The following KDM5A variants were observed in gnomAD, a reference collection of about 807,000 sequenced individuals.
KDM5A encodes the protein lysine-specific demethylase 5A.
Under a neutral mutation model 193.5 loss-of-function variants are expected in KDM5A, and 42 were observed. The observed-to-expected ratio is 0.22, with a 90% confidence interval of 0.17 to 0.28. The LOEUF is 0.28. Ranked by LOEUF, KDM5A falls within the 10% of genes least tolerant of loss-of-function variation. KDM5A has a pLI of 1.00. For synonymous variants in KDM5A, 796 were observed against 718.1 expected, an observed-to-expected ratio of 1.11 and a Z score of -1.73; for missense variants, 1,692 against 2,055.1, an observed-to-expected ratio of 0.82 and a Z score of 3.42.
chr12:351,557 T>G (rs1944159573), intron 9 of KDM5A, among the ~76,000 whole-genome samples: 1 of 152,046 alleles, frequency 6.6e-6, no homozygotes, highest in Non-Finnish European at 1.5e-5. Flanking sequence ...GCCTAAGATA[T>G]CCTAGGAAAA....
rs1289776494 is a variant in KDM5A at position 295,890 on chromosome 12, C to T, written c.4235-97G>A. On this transcript the variant is annotated intron_variant, in intron 25 of 27. Transcript: ENST00000399788. ...ATATTGAGACTAGCCCCCCATCCCCCAATACTAACTTCAGATATCTGGATT... is the reference window on the plus strand; with the variant it reads ...ATATTGAGACTAGCCCCCCATCCCCTAATACTAACTTCAGATATCTGGATT... 5 of 956,328 alleles carry T rather than the reference C, an allele frequency of 5.2e-6. No homozygotes were observed. The Admixed American group carries it at 5.8e-5, about 11-fold the overall frequency. 59.2% of individuals were successfully genotyped at this position (956,328 alleles called of 1,614,324 possible).
chr12:328,790 C>T (rs2137418758), intron 14 of KDM5A, 45 bp downstream of exon 14: 1 of 1,560,504 alleles, frequency 6.4e-7, no homozygotes. Flanking sequence ...TTTAGCATAT[C>T]CCATAAGCAG....
chr12:335,648 G>A (rs1031167709), intron 10 of KDM5A, among the ~76,000 whole-genome samples: 5 of 152,172 alleles, frequency 3.3e-5, no homozygotes, highest in African/African-American at 1.2e-4. Flanking sequence ...AAGAGCCAAT[G>A]ACAAAGCTAA....
chr12:343,578 A>G (rs1487517108), intron 10 of KDM5A, among the ~76,000 whole-genome samples: 1 of 152,206 alleles, frequency 6.6e-6, no homozygotes, highest in African/African-American at 2.4e-5. Flanking sequence ...TCAAGCAGCA[A>G]TATTTGCTGT....
chr12:319,648 G>A (rs566196155), intron 18 of KDM5A, among the ~76,000 whole-genome samples: 34 of 152,190 alleles, frequency 2.2e-4, no homozygotes, highest in African/African-American at 7.9e-4. Flanking sequence ...CAGCAACTTG[G>A]GAGGCTGAGG....
rs567412571 is a variant in KDM5A, at chr12:381,419, GA to G, written c.366+2611del. Among the ~76,000 whole-genome samples the G allele has an allele frequency of 3.3e-5, 5 of 152,182 alleles. No homozygotes were observed. The East Asian group carries it at 7.7e-4, about 24-fold the overall frequency. ...GAGCCACAGTGCCGAGCCAATTTTT[GA>G]AATTTTTTTTGTATTTTATTCATAC... On this transcript the variant is annotated intron_variant, in intron 3 of 27. Transcript: ENST00000399788.
At chr12:357,290 T>C (rs2137459255) in intron 5 of KDM5A, among the ~76,000 whole-genome samples, 1 of 147,786 alleles carries the variant, frequency 6.8e-6, no homozygotes, top group African/African-American at 2.5e-5. Flanking sequence ...AATCCATCAA[T>C]GGGAAAGCTT....
chr12:374,180 G>A (rs1041292228), intron 3 of KDM5A, among the ~76,000 whole-genome samples: 1 of 152,108 alleles, frequency 6.6e-6, no homozygotes, highest in Non-Finnish European at 1.5e-5. Context: ...TGACAGTAGG[G>A]TGTTAAAGTC....
intron 3 of KDM5A, among the ~76,000 whole-genome samples, chr12:373,393 C>A (rs1159447850): frequency 6.6e-6 from 1 of 152,022 alleles, no homozygotes; most frequent in African/African-American, 2.4e-5. Context: ...GGTGTTTATT[C>A]TCTGATGGTA....
chr12:321,040 T>C lies in KDM5A; in HGVS notation c.2496A>G (p.Gln832=), dbSNP rs1943710218. 6.2e-7 allele frequency: 1 copy of C among 1,614,062 alleles called. No homozygotes were observed. Among genetic ancestry groups the C allele is most frequent in the Non-Finnish European group, 8.5e-7 (1 of 1,180,014 alleles). ...TGATGACACACGGAAGACTAAAAAG[T>C]TGTTGGACAAAGGCCTTCAATTCTT... The part of the protein sequence containing the change: ...TVEELKAFVQ[Q]LFSLPCVISQ... The change falls in exon 18 of 28, where the codon CAA becomes CAG. Residue 832 remains glutamine (Q), a synonymous_variant. Coordinates refer to ENST00000399788, the MANE Select transcript of KDM5A (RefSeq NM_001042603.3).
intron 27 of KDM5A, among the ~76,000 whole-genome samples, chr12:287,950 C>T (rs181752161): frequency 6.0e-4 from 91 of 152,214 alleles, no homozygotes; most frequent in African/African-American, 2.1e-3. Context: ...GACTAAAGGT[C>T]CCTTCCTAAG....
chr12:378,237 G>A (rs1262864777), intron 3 of KDM5A, among the ~76,000 whole-genome samples: 5 of 152,074 alleles, frequency 3.3e-5, no homozygotes, highest in African/African-American at 4.8e-5. Flanking sequence ...GAATGGGGGT[G>A]GAGATGAAGG....
intron 3 of KDM5A, among the ~76,000 whole-genome samples, chr12:380,946 C>G (rs1023421121): frequency 6.6e-6 from 1 of 151,904 alleles, no homozygotes; most frequent in African/African-American, 2.4e-5. Context: ...AGGTGCCCAC[C>G]ACCACACCTG....
chr12:387,433 T>C (rs1189467736), intron 1 of KDM5A, among the ~76,000 whole-genome samples: 1 of 152,210 alleles, frequency 6.6e-6, no homozygotes, highest in African/African-American at 2.4e-5. Context: ...GATAAAAATA[T>C]GACTTAGGAA....
At chr12:333,442 C>A (rs201008740) in intron 12 of KDM5A, 45 bp downstream of exon 12, 3 of 1,599,644 alleles carry the variant, frequency 1.9e-6, no homozygotes, top group Non-Finnish European at 1.7e-6. Context: ...AAAGAAAAAA[C>A]AAACAAACAA....
At chr12:331,421 T>C (rs1446962889) in intron 13 of KDM5A, among the ~76,000 whole-genome samples, 2 of 152,332 alleles carry the variant, frequency 1.3e-5, no homozygotes, top group East Asian at 3.9e-4. Context: ...AAGAATCGAC[T>C]GACCATTTAT....
In KDM5A at chr12:362,976, C is replaced by T. The variant is rs1309760726; in HGVS notation, c.659G>A (p.Arg220His). ...AGACATTGATACCTGAGTCTTCACA[C>T]GTCTTGTTCTCTTCGGCAGAATGTT... ...RMNILPKRTR[R>H]VKTQSESGDV... Residue 220 changes from arginine to histidine, a missense_variant, in exon 5 of 28, where the codon CGT (arginine) becomes CAT (histidine). By Grantham distance (29) the Arg-to-His change is conservative. This residue lies in a region of KDM5A where 134 missense variants were observed against 124.2 expected (regional missense o/e 1.08). Transcript: ENST00000399788. 10 of 1,614,046 alleles carry T rather than the reference C, an allele frequency of 6.2e-6. No homozygotes were observed. The highest frequency in any genetic ancestry group is 5.3e-5 in the African/African-American group (4 of 74,928).
chr12:341,464 T>C (rs1480535289), intron 10 of KDM5A, among the ~76,000 whole-genome samples: 2 of 150,706 alleles, frequency 1.3e-5, no homozygotes, highest in Non-Finnish European at 2.9e-5. Context: ...ACTTGTGGTC[T>C]ACCATGACAA....
chr12:355,095 A>G lies in KDM5A; in HGVS notation c.870+63T>C. ...AACACATACCATGATATATCAGGAT[A>G]GAAAGTGCAAAACTATAATAAAAAT... is the stretch of plus-strand genomic sequence containing the variant. On this transcript the variant is annotated intron_variant, in intron 7 of 27. Transcript: ENST00000399788. 7 of 988,418 alleles carry G rather than the reference A, an allele frequency of 7.1e-6. No individual in the cohort carries two copies. The South Asian group carries it at 8.9e-5, about 13-fold the overall frequency. The allele number at this position is 988,418 out of a possible 1,614,324, so 61.2% of individuals were successfully genotyped here.
Sources: allele counts gnomAD v4.1 joint callset (sites outside exome capture counted in the v4.1 genomes callset), GRCh38; gene constraint gnomAD v4.1.1; regional missense constraint gnomAD v4.1.1; transcripts MANE v1.5; gene names NCBI Gene and HGNC (gene_info 2026-07-23, HGNC 2026-07-21).